Variants in DYRK1A observed in about 807,000 individuals in gnomAD.
DYRK1A encodes the protein dual specificity tyrosine-phosphorylation-regulated kinase 1A.
Under a neutral mutation model 79.7 loss-of-function variants are expected in DYRK1A, and 9 were observed. The ratio of observed to expected loss-of-function variants is 0.11; its 90% CI spans 0.07 to 0.20. The LOEUF is 0.20. DYRK1A is among the 10% of genes least tolerant of loss of function. The pLI is 1.00. For synonymous variants in DYRK1A, 349 were observed against 329.7 expected, an observed-to-expected ratio of 1.06 and a Z score of -0.63; for missense variants, 622 against 956.0, an observed-to-expected ratio of 0.65 and a Z score of 4.61.
intron 5 of DYRK1A, among the ~76,000 whole-genome samples, chr21:37,482,904 G>A (rs914023565): frequency 1.3e-5 from 2 of 152,138 alleles, no homozygotes; most frequent in East Asian, 1.9e-4. Flanking sequence ...TGTTCCGCCC[G>A]GGTCAGTGGT....
At position 37,520,190 on chromosome 21, in the gene DYRK1A, C is replaced by A. The variant is rs567314546; in HGVS notation, c.*7659C>A. On this transcript the variant is annotated 3_prime_UTR_variant, in exon 12 of 12. Transcript: ENST00000647188. ...TTTTTGAACAGGCATGGTCATTAGA[C>A]CCTTGTGATCACGCATCCAGGGGCC... is the stretch of plus-strand genomic sequence containing the variant. 2 of 152,296 alleles carry A rather than the reference C, an allele frequency of 1.3e-5. No homozygotes were observed. The highest frequency in any genetic ancestry group is 4.8e-5 in the African/African-American group (2 of 41,574). The allele number at this position is 152,296 out of a possible 1,614,324, so 9.4% of individuals were successfully genotyped here.
chr21:37,452,198 A>G (rs1293615705), intron 2 of DYRK1A, among the ~76,000 whole-genome samples: 2 of 150,856 alleles, frequency 1.3e-5, no homozygotes, highest in Non-Finnish European at 3.0e-5. Context: ...GAATACACTG[A>G]GGGAGGGCAT....
At chr21:37,469,701 C>T (rs975085541) in intron 2 of DYRK1A, among the ~76,000 whole-genome samples, 2 of 152,040 alleles carry the variant, frequency 1.3e-5, no homozygotes, top group Non-Finnish European at 2.9e-5. Context: ...AGCCTTTTTT[C>T]GTGAGAACTC....
chr21:37,411,982 C>T (rs559919267), intron 1 of DYRK1A, among the ~76,000 whole-genome samples: 6 of 152,012 alleles, frequency 3.9e-5, no homozygotes, highest in South Asian at 4.2e-4. Flanking sequence ...ACATGTACTG[C>T]GATACAGAAA....
rs981216940 is a variant in DYRK1A, at chr21:37,514,106, TG to T, written c.*1577del. The stretch of plus-strand genomic sequence containing the variant: ...AAAGGGACACTGGATCCAGAAGCTA[TG>T]GAACCAGCAGTTGATTCTTGTATTC... On this transcript the variant is annotated 3_prime_UTR_variant, in exon 12 of 12. Transcript: ENST00000647188. The T allele has an allele frequency of 6.6e-6, 1 of 152,664 alleles. No individual in the cohort carries two copies. Among genetic ancestry groups the T allele is most frequent in the Non-Finnish European group, 1.5e-5 (1 of 68,046 alleles). The allele number at this position is 152,664 out of a possible 1,614,324, so 9.5% of individuals were successfully genotyped here. A position where few individuals can be genotyped will look rare whatever the true frequency, so the allele number is the denominator to read the frequency against.
Position 37,416,317 on chromosome 21 carries a change from C to CTTTTT in DYRK1A, c.-76-3966_-76-3962dup, listed in dbSNP as rs775621138. Among the ~76,000 whole-genome samples, 254 of 98,148 alleles carry CTTTTT rather than the reference C, an allele frequency of 2.6e-3. 7 individuals are homozygous for CTTTTT. Among genetic ancestry groups the CTTTTT allele is most frequent in the Middle Eastern group, 0.014 (2 of 148 alleles). 64.4% of individuals were successfully genotyped at this position (98,148 alleles called of 152,430 possible). A position where few individuals can be genotyped will look rare whatever the true frequency, so the allele number is the denominator to read the frequency against. ...TCTTTATAAAGTCTTGTGTTTTGGC[C>CTTTTT]TTTTTTTTTTTTTTTTTTTTAAAGA... On this transcript the variant is annotated intron_variant, in intron 1 of 11. Transcript: ENST00000647188.
chr21:37,378,728 G>A (rs1465938258), intron 1 of DYRK1A, among the ~76,000 whole-genome samples: 2 of 152,130 alleles, frequency 1.3e-5, no homozygotes, highest in Non-Finnish European at 2.9e-5. Flanking sequence ...AAGTGAATAA[G>A]GTTTGGTTAC....
At chr21:37,370,913 A>G (rs1200429465) in intron 1 of DYRK1A, among the ~76,000 whole-genome samples, 2 of 152,154 alleles carry the variant, frequency 1.3e-5, no homozygotes, top group Non-Finnish European at 2.9e-5. Flanking sequence ...GTGTAATAGC[A>G]CCTTATGTAT....
intron 2 of DYRK1A, among the ~76,000 whole-genome samples, chr21:37,426,893 T>C (rs2050636936): frequency 6.9e-6 from 1 of 144,002 alleles, no homozygotes; most frequent in South Asian, 2.2e-4. Flanking sequence ...GGACTCCAGC[T>C]TGGGCTAAAG....
intron 1 of DYRK1A, among the ~76,000 whole-genome samples, chr21:37,407,501 G>A (rs936277815): frequency 6.6e-6 from 1 of 152,152 alleles, no homozygotes; most frequent in Non-Finnish European, 1.5e-5. Context: ...TGAATATTAT[G>A]TTAACTTTGG....
At chr21:37,401,018 C>G (rs1424320421) in intron 1 of DYRK1A, among the ~76,000 whole-genome samples, 1 of 152,024 alleles carries the variant, frequency 6.6e-6, no homozygotes, top group African/African-American at 2.4e-5. Flanking sequence ...GTGGTGCACA[C>G]TTGTAGTCCC....
Position 37,506,063 on chromosome 21 carries a change from C to T in DYRK1A, c.1520-36C>T, listed in dbSNP as rs574266764. 7 of 1,585,416 alleles carry T rather than the reference C, an allele frequency of 4.4e-6. No homozygotes were observed. The South Asian group carries it at 6.7e-5, about 15-fold the overall frequency. ...AAATTTGAACAAAATGAATTTTAAA[C>T]TCACAGTTGTATTGTTTTGTGTTGT... On this transcript the variant is annotated intron_variant, in intron 10 of 11. Transcript: ENST00000647188.
At chr21:37,492,765 A>T (rs1393564849) in intron 7 of DYRK1A, among the ~76,000 whole-genome samples, 2 of 152,144 alleles carry the variant, frequency 1.3e-5, no homozygotes, top group Middle Eastern at 3.4e-3. Context: ...TATCATGATG[A>T]CTAGGTAGGA....
rs1239551004 is a variant in DYRK1A at position 37,517,255 on chromosome 21, G to A, written c.*4724G>A. 1 of 152,296 alleles carries A rather than the reference G, an allele frequency of 6.6e-6. No homozygotes were observed. The highest frequency in any genetic ancestry group is 1.9e-4 in the East Asian group (1 of 5,200). 9.4% of individuals were successfully genotyped at this position (152,296 alleles called of 1,614,324 possible). A position where few individuals can be genotyped will look rare whatever the true frequency, so the allele number is the denominator to read the frequency against. On this transcript the variant is annotated 3_prime_UTR_variant, in exon 12 of 12. Transcript: ENST00000647188. ...GTGGTGGCAAAAGTTCATGATGCAG[G>A]ACAGAGGAAACAAGTGGACAAGACA...
In DYRK1A at chr21:37,516,716, T is replaced by G. The variant is rs1414664368; in HGVS notation, c.*4185T>G. On this transcript the variant is annotated 3_prime_UTR_variant, in exon 12 of 12. Coordinates refer to ENST00000647188, the MANE Select transcript of DYRK1A (RefSeq NM_001347721.2). ...GTGTGTTTGGCTCTCTTTGGCATTATGCATAGCCAAGGTCCCAGATTTTGG... is the reference window on the plus strand; with the variant it reads ...GTGTGTTTGGCTCTCTTTGGCATTAGGCATAGCCAAGGTCCCAGATTTTGG... The G allele has an allele frequency of 2.0e-5, 3 of 152,166 alleles. No homozygotes were observed. The highest frequency in any genetic ancestry group is 4.4e-5 in the Non-Finnish European group (3 of 68,016). 9.4% of individuals were successfully genotyped at this position (152,166 alleles called of 1,614,324 possible).
Position 37,464,648 on chromosome 21 carries a change from ATAT to A in DYRK1A, c.11-8029_11-8027del, listed in dbSNP as rs1218392906. Among the ~76,000 whole-genome samples the A allele has an allele frequency of 9.8e-5, 15 of 152,326 alleles. No individual in the cohort carries two copies. The South Asian group carries it at 1.0e-3, about 11-fold the overall frequency. Reference sequence around the variant, plus strand: ...TATTGTGATACATTCTTAAGCTAAGATATTATTATACTGAGTTGAATAAAGATT... The same window carrying A: ...TATTGTGATACATTCTTAAGCTAAGATATTATACTGAGTTGAATAAAGATT... On this transcript the variant is annotated intron_variant, in intron 2 of 11. Transcript: ENST00000647188.
At chr21:37,488,299 G>T (rs1035166949) in intron 6 of DYRK1A, 4 of 958,552 alleles carry the variant, frequency 4.2e-6, no homozygotes, top group Non-Finnish European at 5.0e-6. Flanking sequence ...GAAAACAAAA[G>T]AACTTTAGAT....
chr21:37,494,980 T>C (rs945460723), intron 8 of DYRK1A, among the ~76,000 whole-genome samples: 1 of 151,826 alleles, frequency 6.6e-6, no homozygotes, highest in African/African-American at 2.4e-5. Flanking sequence ...TGTGTGTATA[T>C]GTATTTGCTG....
In DYRK1A at chr21:37,517,578, A is replaced by T. The variant is rs1293333596; in HGVS notation, c.*5047A>T. 6.6e-6 allele frequency: 1 copy of T among 152,218 alleles called. No individual in the cohort carries two copies. Among genetic ancestry groups the T allele is most frequent in the Non-Finnish European group, 1.5e-5 (1 of 68,062 alleles). 9.4% of individuals were successfully genotyped at this position (152,218 alleles called of 1,614,324 possible). ...TCACGGGAGATTCAGAGCCAAGGGC[A>T]AAATAAAGTGGCAGGCACTGGGTGT... On this transcript the variant is annotated 3_prime_UTR_variant, in exon 12 of 12. Coordinates refer to ENST00000647188, the MANE Select transcript of DYRK1A (RefSeq NM_001347721.2).
Sources: gnomAD v4.1 joint callset for allele counts (sites outside exome capture counted in the v4.1 genomes callset) on GRCh38, gnomAD v4.1.1 for gene constraint, MANE v1.5 for transcripts, NCBI Gene and HGNC (gene_info 2026-07-23, HGNC 2026-07-21) for gene names.